Variants in RFX4 observed in about 807,000 individuals in gnomAD.
The protein encoded by RFX4 is regulatory factor X4.
RFX4 carries 10 observed loss-of-function variants against 95.0 expected under a neutral mutation model. That is an observed-to-expected ratio of 0.11 (90% CI 0.06 to 0.18). The LOEUF (loss-of-function observed/expected upper bound fraction) is 0.18. Among genes scored for constraint, RFX4 ranks in the 10% least tolerant of loss-of-function variants. The probability of loss-of-function intolerance (pLI) is 1.00; values close to 1 mark genes in which losing one functional copy is unlikely to be tolerated. For missense variants in RFX4, 640 were observed against 922.0 expected, an observed-to-expected ratio of 0.69 and a Z score of 3.96; for synonymous variants, 321 against 340.7, an observed-to-expected ratio of 0.94 and a Z score of 0.64.
chr12:106,609,096 A>G (rs2039901897), intron 2 of RFX4, among the ~76,000 whole-genome samples: 1 of 152,160 alleles, frequency 6.6e-6, no homozygotes, highest in Non-Finnish European at 1.5e-5. Context: ...CCACAGCAAA[A>G]ACTTGCTGTT....
At chr12:106,737,146 T>C (rs1055679814) in intron 15 of RFX4, among the ~76,000 whole-genome samples, 1 of 132,232 alleles carries the variant, frequency 7.6e-6, no homozygotes, top group Admixed American at 8.8e-5. Flanking sequence ...GTTTCCAGAA[T>C]AGACTCGGAA....
intron 2 of RFX4, among the ~76,000 whole-genome samples, chr12:106,615,787 G>A (rs1025366410): frequency 6.6e-6 from 1 of 152,086 alleles, no homozygotes; most frequent in Admixed American, 6.6e-5. Flanking sequence ...TTAGTTGCTA[G>A]CATATGATAA....
intron 1 of RFX4, among the ~76,000 whole-genome samples, chr12:106,590,407 G>C (rs896165018): frequency 6.6e-6 from 1 of 151,848 alleles, no homozygotes; most frequent in East Asian, 1.9e-4. Context: ...AGAAGAAACT[G>C]TTATTATTTA....
intron 5 of RFX4, chr12:106,683,465 T>TAAA (rs2041563391): frequency 2.4e-4 from 3 of 12,678 alleles, no homozygotes; most frequent in Non-Finnish European, 3.9e-4. Flanking sequence ...ATGACTATTC[T>TAAA]GAAAAAAAAA....
At chr12:106,659,539 C>T (rs959678820) in intron 4 of RFX4, among the ~76,000 whole-genome samples, 11 of 152,216 alleles carry the variant, frequency 7.2e-5, no homozygotes, top group Non-Finnish European at 1.3e-4. Flanking sequence ...CTCTGTCTAA[C>T]TTAGAATGCA....
rs2043219208 is a variant in RFX4 at position 106,762,343 on chromosome 12, T to A, written c.*874T>A. On this transcript the variant is annotated 3_prime_UTR_variant, in exon 18 of 18. Transcript: ENST00000392842. ...TTGTGAAACTGGATGGAACAAACTT[T>A]AACTTACCAAGCACCAAGTGTGAAA... 6.6e-6 allele frequency: 1 copy of A among 152,636 alleles called. No individual in the cohort carries two copies. The highest frequency in any genetic ancestry group is 2.1e-4 in the South Asian group (1 of 4,834). The allele number at this position is 152,636 out of a possible 1,614,324, so 9.5% of individuals were successfully genotyped here. A position where few individuals can be genotyped will look rare whatever the true frequency, so the allele number is the denominator to read the frequency against.
chr12:106,633,277 G>A (rs1222271501), intron 2 of RFX4, among the ~76,000 whole-genome samples: 9 of 152,212 alleles, frequency 5.9e-5, no homozygotes, highest in African/African-American at 2.2e-4. Context: ...AACACTATCA[G>A]TAGCCACTGG....
At chr12:106,684,832 G>A (rs374476356) in intron 5 of RFX4, 11 of 1,565,402 alleles carry the variant, frequency 7.0e-6, no homozygotes, top group African/African-American at 4.1e-5. Flanking sequence ...GGCTGCCTTC[G>A]GAGGGTCTGA....
chr12:106,737,036 C>T (rs1274544657), intron 15 of RFX4, among the ~76,000 whole-genome samples: 1 of 152,038 alleles, frequency 6.6e-6, no homozygotes, highest in Non-Finnish European at 1.5e-5. Flanking sequence ...TGATAAAATC[C>T]TACTCACCTC....
intron 15 of RFX4, among the ~76,000 whole-genome samples, chr12:106,742,644 G>GTGATTTTTAA (rs2042826604): frequency 6.6e-6 from 1 of 152,086 alleles, no homozygotes; most frequent in Non-Finnish European, 1.5e-5. Context: ...ATCAGAATCT[G>GTGATTTTTAA]CATTTTTAAC....
chr12:106,687,056 G>C lies in RFX4; in HGVS notation c.550G>C (p.Val184Leu). ...AACACTGCTGCCAGAATTTCCCAAT[G>C]TCAAAGATCTAAATCTGCCAGCCAG... is the stretch of plus-strand genomic sequence containing the variant. ...LGTLLPEFPN[V>L]KDLNLPASLP... The change falls in exon 6 of 18, where the codon GTC becomes CTC. Residue 184 changes from valine to leucine, a missense_variant. By Grantham distance (32) the Val-to-Leu change is conservative. Transcript: ENST00000392842. The C allele has an allele frequency of 6.2e-7, 1 of 1,613,968 alleles. No homozygotes were observed. Among genetic ancestry groups the C allele is most frequent in the Non-Finnish European group, 8.5e-7 (1 of 1,179,998 alleles).
chr12:106,614,740 A>C (rs2040039330), intron 2 of RFX4, among the ~76,000 whole-genome samples: 1 of 151,118 alleles, frequency 6.6e-6, no homozygotes, highest in Non-Finnish European at 1.5e-5. Flanking sequence ...CGATCTCCTG[A>C]CCTCGTGATC....
chr12:106,599,927 C>T (rs1415379876), intron 1 of RFX4, among the ~76,000 whole-genome samples: 1 of 152,052 alleles, frequency 6.6e-6, no homozygotes, highest in African/African-American at 2.4e-5. Flanking sequence ...CCGTGGCCTC[C>T]TCTTCCATTC....
chr12:106,614,871 T>G (rs1405959398), intron 2 of RFX4, among the ~76,000 whole-genome samples: 1 of 152,218 alleles, frequency 6.6e-6, no homozygotes, highest in African/African-American at 2.4e-5. Flanking sequence ...AGAGTTGGTT[T>G]TATATCTTGA....
At chr12:106,662,473 A>C (rs2041094312) in intron 4 of RFX4, among the ~76,000 whole-genome samples, 1 of 152,070 alleles carries the variant, frequency 6.6e-6, no homozygotes, top group Non-Finnish European at 1.5e-5. Context: ...CCTTTATTAG[A>C]TGTGTCTCTT....
intron 2 of RFX4, among the ~76,000 whole-genome samples, chr12:106,624,906 T>A (rs1204234296): frequency 6.6e-5 from 10 of 152,098 alleles, no homozygotes; most frequent in African/African-American, 2.4e-4. Flanking sequence ...CCGGGCCAAT[T>A]GAAAAAATGC....
intron 4 of RFX4, among the ~76,000 whole-genome samples, chr12:106,655,953 CAAAT>C (rs1268509950): frequency 6.6e-6 from 1 of 152,198 alleles, no homozygotes; most frequent in Non-Finnish European, 1.5e-5. Context: ...TTCTGCAAAA[CAAAT>C]AAAAACCCTC....
At chr12:106,732,567 G>A (rs2042633421) in intron 14 of RFX4, among the ~76,000 whole-genome samples, 1 of 152,090 alleles carries the variant, frequency 6.6e-6, no homozygotes, top group African/African-American at 2.4e-5. Context: ...GGGTGTGGTG[G>A]TGCACAACTG....
intron 8 of RFX4, among the ~76,000 whole-genome samples, chr12:106,704,340 T>G (rs1350772230): frequency 6.6e-6 from 1 of 152,238 alleles, no homozygotes; most frequent in African/African-American, 2.4e-5. Context: ...TAATTACTAC[T>G]GCAATCTTAG....
Sources: allele counts gnomAD v4.1 joint callset (sites outside exome capture counted in the v4.1 genomes callset), GRCh38; gene constraint gnomAD v4.1.1; transcripts MANE v1.5; gene names NCBI Gene and HGNC (gene_info 2026-07-23, HGNC 2026-07-21).